Variants in FOCAD observed in about 807,000 individuals in gnomAD.
The protein encoded by FOCAD is KIAA1797.
Under a neutral mutation model 225.6 loss-of-function variants are expected in FOCAD, and 198 were observed. That is an observed-to-expected ratio of 0.88 (90% confidence interval 0.78 to 0.99). The LOEUF (loss-of-function observed/expected upper bound fraction) is 0.99. Among genes scored for constraint, FOCAD ranks in the 50% least tolerant of loss-of-function variants. The probability of loss-of-function intolerance (pLI) is 0.00; values close to 1 mark genes in which losing one functional copy is unlikely to be tolerated. For missense variants in FOCAD, 2,713 were observed against 2,123.6 expected (o/e 1.28, Z -5.46); for synonymous variants, 897 against 755.0 (o/e 1.19, Z -3.08).
intron 21 of FOCAD, among the ~76,000 whole-genome samples, chr9:20,888,672 G>A (rs1831336381): frequency 6.6e-6 from 1 of 152,094 alleles, no homozygotes; most frequent in Admixed American, 6.5e-5. Flanking sequence ...ATGCCTACAT[G>A]TTGCGGTAGG....
At chr9:20,934,520 T>C (rs890683340) in intron 28 of FOCAD, among the ~76,000 whole-genome samples, 1 of 152,122 alleles carries the variant, frequency 6.6e-6, no homozygotes, top group African/African-American at 2.4e-5. Context: ...TTGATGTTTT[T>C]TTTTCTTTGA....
At chr9:20,943,829 TTAAAG>T (rs1305779618) in intron 28 of FOCAD, among the ~76,000 whole-genome samples, 6 of 152,358 alleles carry the variant, frequency 3.9e-5, no homozygotes, top group East Asian at 3.9e-4. Flanking sequence ...CTTTTTTTCT[TTAAAG>T]TAAAGCATTA....
intron 2 of FOCAD, among the ~76,000 whole-genome samples, chr9:20,666,328 T>G (rs1821898868): frequency 6.6e-6 from 1 of 152,240 alleles, no homozygotes; most frequent in African/African-American, 2.4e-5. Flanking sequence ...CCCAGCACTT[T>G]GGGAGGCTGA....
chr9:20,941,948 T>G (rs558995130), intron 28 of FOCAD, among the ~76,000 whole-genome samples: 2 of 152,204 alleles, frequency 1.3e-5, no homozygotes, highest in Non-Finnish European at 2.9e-5. Flanking sequence ...GGGAACATTT[T>G]AAGACTTAGA....
intron 2 of FOCAD, among the ~76,000 whole-genome samples, chr9:20,663,984 T>G (rs886564006): frequency 5.9e-5 from 9 of 152,120 alleles, no homozygotes; most frequent in Admixed American, 5.9e-4. Flanking sequence ...ACCTATTTTG[T>G]GTTGTTATTT....
At chr9:20,798,958 C>A (rs964297888) in intron 11 of FOCAD, among the ~76,000 whole-genome samples, 1 of 152,150 alleles carries the variant, frequency 6.6e-6, no homozygotes, top group Non-Finnish European at 1.5e-5. Flanking sequence ...AATTTTAGAT[C>A]TTTCCTGCTT....
chr9:20,830,830 C>G lies in FOCAD; in HGVS notation c.1920+7715C>G, dbSNP rs558243630. Among the ~76,000 whole-genome samples, 77 of 152,032 alleles carry G rather than the reference C, an allele frequency of 5.1e-4. 1 individual carries two copies. The highest frequency in any genetic ancestry group is 1.8e-3 in the African/African-American group (74 of 41,498). On this transcript the variant is annotated intron_variant, in intron 15 of 43. Coordinates refer to ENST00000338382, the MANE Select transcript of FOCAD (RefSeq NM_001375567.1). ...TAGCTGGGACTACAGGTGCATGCCACTATATTTGGCTAACTTAAATTTTTT... is the reference window on the plus strand; with the variant it reads ...TAGCTGGGACTACAGGTGCATGCCAGTATATTTGGCTAACTTAAATTTTTT...
intron 21 of FOCAD, among the ~76,000 whole-genome samples, chr9:20,888,491 A>C (rs887784846): frequency 3.3e-5 from 5 of 152,126 alleles, no homozygotes; most frequent in African/African-American, 1.2e-4. Context: ...GAAGAATTTC[A>C]ACTTACCAAA....
At chr9:20,947,668 A>T (rs947687702) in intron 30 of FOCAD, among the ~76,000 whole-genome samples, 4 of 152,144 alleles carry the variant, frequency 2.6e-5, no homozygotes, top group African/African-American at 9.7e-5. Context: ...AATACAATTT[A>T]AAAAAACTGA....
intron 27 of FOCAD, among the ~76,000 whole-genome samples, chr9:20,929,804 G>C (rs1017460054): frequency 5.9e-5 from 9 of 152,144 alleles, no homozygotes; most frequent in Non-Finnish European, 1.3e-4. Flanking sequence ...GTATTTTAAG[G>C]GTTGCTAGTA....
intron 3 of FOCAD, among the ~76,000 whole-genome samples, chr9:20,719,778 CTTTTTTTTTTTTT>C (rs34384301): frequency 1.1e-4 from 7 of 62,110 alleles, no homozygotes; most frequent in African/African-American, 3.4e-4. Context: ...TTTTCCTAGG[CTTTTTTTTTTTTT>C]TTTTTTTTTT....
At chr9:20,831,306 G>A (rs748016631) in intron 15 of FOCAD, among the ~76,000 whole-genome samples, 2 of 152,046 alleles carry the variant, frequency 1.3e-5, no homozygotes, top group South Asian at 4.1e-4. Context: ...GGAGAGCAAG[G>A]GAAAGTACAT....
intron 35 of FOCAD, 156 bp from the exon 36 acceptor site, chr9:20,976,264 A>G: frequency 1.7e-6 from 1 of 597,454 alleles, no homozygotes; most frequent in Non-Finnish European, 2.7e-6. Context: ...TGGCAAATGG[A>G]GTTGAAATTA....
At chr9:20,913,031 C>G (rs1177285994) in intron 23 of FOCAD, 77 bp downstream of exon 23, 1 of 1,207,104 alleles carries the variant, frequency 8.3e-7, no homozygotes, top group Non-Finnish European at 1.2e-6. Flanking sequence ...ACTTTAAAGG[C>G]TTTAAGATTA....
chr9:20,983,344 C>T (rs796691726), intron 39 of FOCAD, among the ~76,000 whole-genome samples: 1 of 151,978 alleles, frequency 6.6e-6, no homozygotes, highest in African/African-American at 2.4e-5. Flanking sequence ...GAGGCCGAGG[C>T]GGGTGGATCA....
Position 20,728,149 on chromosome 9 carries a change from AT to A in FOCAD, c.287+7623del, listed in dbSNP as rs555544968. 1.1e-3 allele frequency among the ~76,000 whole-genome samples: 165 copies of A among 151,928 alleles called. 4 individuals are homozygous for A. The South Asian group carries it at 0.013, about 12-fold the overall frequency. ...GAGCTTGACTAAAAATTAAAAAAAAATTTTTTTTGAATCTTCAACGTCATAA... is the reference window on the plus strand; with the variant it reads ...GAGCTTGACTAAAAATTAAAAAAAAATTTTTTTGAATCTTCAACGTCATAA... On this transcript the variant is annotated intron_variant, in intron 4 of 43. Coordinates refer to ENST00000338382, the MANE Select transcript of FOCAD (RefSeq NM_001375567.1).
At chr9:20,688,269 C>G (rs1822780457) in intron 1 of FOCAD, among the ~76,000 whole-genome samples, 1 of 152,096 alleles carries the variant, frequency 6.6e-6, no homozygotes, top group South Asian at 2.1e-4. Flanking sequence ...TGTGACAGAA[C>G]TCCGAAAATG....
chr9:20,789,561 CA>C lies in FOCAD; in HGVS notation c.1411del (p.Ile471TyrfsTer8). On this transcript the variant is annotated frameshift_variant, in exon 11 of 44. Transcript: ENST00000338382. LOFTEE classifies it high-confidence loss of function. ...TGAAGACAAAGGACAAAATCTTCACCAAATACTCAAGGTCACTACAGAATTA... is the reference window on the plus strand; with the variant it reads ...TGAAGACAAAGGACAAAATCTTCACCAATACTCAAGGTCACTACAGAATTA... ...LVEDKGQNLH[Q>X]ILKVTTELAQ... 1 of 1,613,954 alleles carries C rather than the reference CA, an allele frequency of 6.2e-7. No individual in the cohort carries two copies. Among genetic ancestry groups the C allele is most frequent in the Non-Finnish European group, 8.5e-7 (1 of 1,179,968 alleles).
intron 35 of FOCAD, among the ~76,000 whole-genome samples, chr9:20,958,277 C>G (rs1353496682): frequency 6.6e-6 from 1 of 151,936 alleles, no homozygotes; most frequent in Admixed American, 6.6e-5. Flanking sequence ...AAAAACCAGT[C>G]AGGTATAAAA....
Sources: gnomAD v4.1 joint callset for allele counts (sites outside exome capture counted in the v4.1 genomes callset) on GRCh38, gnomAD v4.1.1 for gene constraint, MANE v1.5 for transcripts, NCBI Gene and HGNC (gene_info 2026-07-23, HGNC 2026-07-21) for gene names.